The following CAPN14 variants were observed in gnomAD, a reference collection of about 807,000 sequenced individuals.
CAPN14 encodes the protein calpain 14, also known as calpain-14.
Under a neutral mutation model 101.3 loss-of-function variants are expected in CAPN14, and 94 were observed. The observed-to-expected ratio is 0.93, with a 90% CI of 0.79 to 1.10. The LOEUF (loss-of-function observed/expected upper bound fraction) is 1.10. CAPN14 is among the 50% of genes least tolerant of loss of function. The probability of loss-of-function intolerance (pLI) is 0.00; values close to 1 mark genes in which losing one functional copy is unlikely to be tolerated. For missense variants in CAPN14, 837 were observed against 828.4 expected (o/e 1.01, Z -0.13); for synonymous variants, 338 against 317.9 (o/e 1.06, Z -0.67).
intron 5 of CAPN14, among the ~76,000 whole-genome samples, chr2:31,201,107 ATGTGCG>A (rs1681738612): frequency 6.7e-6 from 1 of 150,114 alleles, no homozygotes. Context: ...GTGTGTGTGC[ATGTGCG>A]TGTGTGTGCA....
intron 1 of CAPN14, chr2:31,228,410 G>A (rs1476203216): frequency 6.6e-6 from 1 of 152,212 alleles, no homozygotes; most frequent in Non-Finnish European, 1.5e-5. Context: ...AGAAACAGAA[G>A]AGATGGAAAA....
chr2:31,210,247 T>C (rs1052634961), intron 1 of CAPN14, among the ~76,000 whole-genome samples: 5 of 151,906 alleles, frequency 3.3e-5, no homozygotes, highest in African/African-American at 1.2e-4. Flanking sequence ...ATCAAGACCA[T>C]CCTGGCTAAC....
rs1348678335 is a variant in CAPN14 at position 31,189,424 on chromosome 2, G to C, written c.1342C>G (p.Leu448Val). 2 of 1,551,716 alleles carry C rather than the reference G, an allele frequency of 1.3e-6. No homozygotes were observed. The highest frequency in any genetic ancestry group is 2.0e-5 in the Admixed American group (1 of 51,002). Residue 448 changes from leucine to valine, a missense_variant, in exon 13 of 22, where the codon CTG becomes GTG. Leu to Val is a conservative substitution (Grantham distance 32). Transcript: ENST00000403897. ...TTGAGAAACCTATCAGGCTGGCTCA[G>C]AGGAGTGTTTCTCTGGAAGAACTCA... ...PPEFFQRNTP[L>V]SQPDRFLKEK...
intron 5 of CAPN14, 70 bp from the exon 6 acceptor site, chr2:31,200,695 G>C: frequency 7.2e-7 from 1 of 1,394,534 alleles, no homozygotes; most frequent in South Asian, 1.5e-5. Flanking sequence ...TGTGGCCTCG[G>C]CATCCACTTT....
intron 8 of CAPN14, among the ~76,000 whole-genome samples, chr2:31,196,488 A>G (rs886232788): frequency 5.3e-5 from 8 of 152,252 alleles, no homozygotes; most frequent in Admixed American, 2.6e-4. Flanking sequence ...CAGGAGGAAT[A>G]TTCAACTTGT....
At chr2:31,189,168 G>T in intron 13 of CAPN14, 105 bp downstream of exon 13, 1 of 998,248 alleles carries the variant, frequency 1.0e-6, no homozygotes, top group Non-Finnish European at 1.5e-6. Context: ...TCTCCCTTTT[G>T]TCTCAGCAGC....
chr2:31,206,226 A>G (rs1418905623), intron 1 of CAPN14, among the ~76,000 whole-genome samples: 1 of 151,794 alleles, frequency 6.6e-6, no homozygotes, highest in African/African-American at 2.4e-5. Flanking sequence ...AGGCCTCCCA[A>G]GGATGTCTCT....
Position 31,230,514 on chromosome 2 carries a change from C to G in CAPN14, c.-177+3277G>C, listed in dbSNP as rs1683157561. 6.6e-6 allele frequency among the ~76,000 whole-genome samples: 1 copy of G among 152,230 alleles called. No homozygotes were observed. Among genetic ancestry groups the G allele is most frequent in the Non-Finnish European group, 1.5e-5 (1 of 68,044 alleles). On this transcript the variant is annotated intron_variant and NMD_transcript_variant, in intron 1 of 21. Coordinates refer to the CAPN14 transcript ENST00000398824. The surrounding 1 kb of genome is among the most constrained non-coding windows in gnomAD (Gnocchi z 4.3). ...GAGCTCCCATTGCTCTACATCCTCACCAACCCTACCATCCAACTTTTTATT... is the reference window on the plus strand; with the variant it reads ...GAGCTCCCATTGCTCTACATCCTCAGCAACCCTACCATCCAACTTTTTATT...
At chr2:31,188,456 G>A in intron 13 of CAPN14, 102 bp from the exon 14 acceptor site, 1 of 1,038,238 alleles carries the variant, frequency 9.6e-7, no homozygotes, top group Non-Finnish European at 1.5e-6. Flanking sequence ...TTCCTTCACT[G>A]AGGCACCACA....
rs1036587947 is a variant in CAPN14, at chr2:31,173,991, A to G, written c.*690T>C. On this transcript the variant is annotated 3_prime_UTR_variant, in exon 22 of 22. Transcript: ENST00000403897. ...CAAGCAAATAGACACACCTGTCACA[A>G]GCAGGAAGCCCTTTGAGAACTCAGG... 1.3e-5 allele frequency: 2 copies of G among 152,442 alleles called. No homozygotes were observed. Among genetic ancestry groups the G allele is most frequent in the African/African-American group, 4.8e-5 (2 of 41,456 alleles). 9.4% of individuals were successfully genotyped at this position (152,442 alleles called of 1,614,324 possible).
intron 8 of CAPN14, among the ~76,000 whole-genome samples, chr2:31,196,652 C>G (rs988030209): frequency 2.0e-5 from 3 of 152,214 alleles, no homozygotes; most frequent in Non-Finnish European, 2.9e-5. Context: ...TCCCTTTCTG[C>G]CTGTGCCCTA....
In CAPN14 at chr2:31,230,187, C is replaced by T. The variant is rs1016005333; in HGVS notation, c.-176-3536G>A. On this transcript the variant is annotated intron_variant and NMD_transcript_variant, in intron 1 of 21. Coordinates refer to the CAPN14 transcript ENST00000398824. The surrounding 1 kb of genome is among the most constrained non-coding windows in gnomAD (Gnocchi z 4.3). ...TTTTGTTCCTCTCCTTCCTCCCACC[C>T]TCCACCCTCAACTAGACCCCAGTGT... Among the ~76,000 whole-genome samples the T allele has an allele frequency of 1.3e-5, 2 of 152,212 alleles. No homozygotes were observed. Among genetic ancestry groups the T allele is most frequent in the Non-Finnish European group, 2.9e-5 (2 of 68,040 alleles).
intron 7 of CAPN14, 136 bp from the exon 8 acceptor site, chr2:31,197,470 T>C (rs887984995): frequency 4.9e-6 from 3 of 618,322 alleles, no homozygotes; most frequent in Non-Finnish European, 8.7e-6. Context: ...GAGGAGAAAG[T>C]GGCTCTGCTT....
chr2:31,201,066 C>T (rs1007363767), intron 5 of CAPN14, among the ~76,000 whole-genome samples: 1 of 152,178 alleles, frequency 6.6e-6, no homozygotes, highest in Admixed American at 6.5e-5. Flanking sequence ...TCCGCCTGGG[C>T]CCCCTGACCT....
intron 1 of CAPN14, among the ~76,000 whole-genome samples, chr2:31,227,953 C>T (rs940755548): frequency 3.9e-5 from 6 of 152,142 alleles, no homozygotes; most frequent in Non-Finnish European, 8.8e-5. Context: ...CTTCAGAGGG[C>T]GGACCACCAC....
chr2:31,226,393 G>GT (rs958129527), intron 2 of CAPN14: 3 of 152,166 alleles, frequency 2.0e-5, no homozygotes, highest in African/African-American at 7.2e-5. Flanking sequence ...TTGTTTGCTT[G>GT]TCAAAAGCCA....
intron 1 of CAPN14, among the ~76,000 whole-genome samples, chr2:31,211,706 G>T (rs1682412902): frequency 7.7e-6 from 1 of 130,264 alleles, no homozygotes; most frequent in African/African-American, 2.7e-5. Context: ...CACACGATGG[G>T]AAGAAAATAT....
chr2:31,225,588 C>A (rs1467009526), intron 2 of CAPN14, among the ~76,000 whole-genome samples: 1 of 151,976 alleles, frequency 6.6e-6, no homozygotes, highest in Non-Finnish European at 1.5e-5. Context: ...ATAGATAACT[C>A]TGAAATAGAG....
intron 17 of CAPN14, among the ~76,000 whole-genome samples, chr2:31,179,758 A>G (rs970605373): frequency 2.0e-5 from 3 of 152,150 alleles, no homozygotes; most frequent in Non-Finnish European, 2.9e-5. Context: ...TCGCCATTCT[A>G]ACTGGTGTGA....
Sources: gnomAD v4.1 joint callset for allele counts (sites outside exome capture counted in the v4.1 genomes callset) on GRCh38, gnomAD v4.1.1 for gene constraint, Gnocchi (gnomAD v3.1) non-coding constraint, MANE v1.5 for transcripts, NCBI Gene and HGNC (gene_info 2026-07-23, HGNC 2026-07-21) for gene names.